AGO1: variants seen among roughly 807,000 people sequenced by gnomAD.
The protein encoded by AGO1 is protein argonaute-1.
A neutral mutation model predicts 109.2 loss-of-function variants in AGO1; 11 were observed. The ratio of observed to expected loss-of-function variants is 0.10; its 90% CI spans 0.06 to 0.17. AGO1 has a LOEUF of 0.17. AGO1 is among the 10% of genes least tolerant of loss of function. The pLI, the probability that AGO1 is intolerant of heterozygous loss-of-function variation, is 1.00. For missense variants in AGO1, 574 were observed against 1,140.3 expected (o/e 0.50, Z 7.15); for synonymous variants, 422 against 418.6 (o/e 1.01, Z -0.10).
intron 12 of AGO1, among the ~76,000 whole-genome samples, chr1:35,907,447 T>C (rs1645544265): frequency 6.6e-6 from 1 of 152,052 alleles, no homozygotes. Context: ...GAGTGCATTG[T>C]TTATCTGAAC....
At chr1:35,882,771 C>T (rs1017009859), upstream of AGO1, 13 of 981,120 alleles carry the variant, frequency 1.3e-5, no homozygotes, top group Middle Eastern at 5.2e-4. This position sits in a 1 kb window ranked among gnomAD's most constrained non-coding sequence, Gnocchi z 5.1. Context: ...AGAAAGACTT[C>T]GTGGAGGCAG....
intron 1 of AGO1, among the ~76,000 whole-genome samples, chr1:35,885,226 C>G (rs982932246): frequency 9.9e-5 from 15 of 152,148 alleles, no homozygotes; most frequent in African/African-American, 3.6e-4. Flanking sequence ...TTCCAACAAC[C>G]CATGAACTAG....
intron 1 of AGO1, among the ~76,000 whole-genome samples, chr1:35,870,651 A>G (rs930058640): frequency 2.9e-4 from 44 of 152,264 alleles, no homozygotes; most frequent in African/African-American, 1.0e-3. Flanking sequence ...TCTCCTCCCT[A>G]CTGAGAGAGA....
intron 6 of AGO1, 27 bp downstream of exon 6, chr1:35,894,198 A>G (rs766014532): frequency 1.9e-6 from 3 of 1,568,524 alleles, no homozygotes; most frequent in South Asian, 2.4e-5. Flanking sequence ...AGGGGAAGGG[A>G]AACAGCGCCA....
At chr1:35,899,620 A>G (rs1014399557) in intron 8 of AGO1, among the ~76,000 whole-genome samples, 4 of 152,210 alleles carry the variant, frequency 2.6e-5, no homozygotes, top group East Asian at 3.8e-4. Context: ...ACAAATTTCA[A>G]TAATTTTGGA....
chr1:35,919,475 C>T lies in AGO1; in HGVS notation c.2466-24C>T, dbSNP rs372256300. 3.1e-6 allele frequency: 5 copies of T among 1,598,130 alleles called. No homozygotes were observed. Among genetic ancestry groups the T allele is most frequent in the Non-Finnish European group, 4.3e-6 (5 of 1,169,850 alleles). Reference sequence around the variant, plus strand: ...GCAGCTCTCAGTTCACCAGGAAGGACTTCTTTCATTTTTTCCTTTTCAGTG... The same window carrying T: ...GCAGCTCTCAGTTCACCAGGAAGGATTTCTTTCATTTTTTCCTTTTCAGTG... On this transcript the variant is annotated intron_variant, in intron 18 of 18. Transcript: ENST00000373204. The surrounding 1 kb of genome is among the most constrained non-coding windows in gnomAD (Gnocchi z 6.6).
Position 35,893,413 on chromosome 1 carries a change from C to T in AGO1, c.512+135C>T, listed in dbSNP as rs558489336. ...ATTTGAAGCCCTACCACTTGCCAGG[C>T]AAATGTGTATTTATATTTAGATGGT... On this transcript the variant is annotated intron_variant, in intron 4 of 18. Coordinates refer to ENST00000373204, the MANE Select transcript of AGO1 (RefSeq NM_012199.5). This position sits in a 1 kb window ranked among gnomAD's most constrained non-coding sequence, Gnocchi z 5.6. 3 of 1,015,296 alleles carry T rather than the reference C, an allele frequency of 3.0e-6. No homozygotes were observed. In the African/African-American group the frequency reaches 4.8e-5, roughly 16 times the overall value. The allele number at this position is 1,015,296 out of a possible 1,614,324, so 62.9% of individuals were successfully genotyped here. A position where few individuals can be genotyped will look rare whatever the true frequency, so the allele number is the denominator to read the frequency against.
intron 2 of AGO1, 93 bp from the exon 3 acceptor site, chr1:35,892,464 A>G (rs1038706101): frequency 1.9e-6 from 3 of 1,546,544 alleles, no homozygotes; most frequent in Non-Finnish European, 1.8e-6. Flanking sequence ...AGTGAGTATA[A>G]TAGATGGGAC....
At position 35,893,065 on chromosome 1, in the gene AGO1, A is replaced by G. The variant is rs1411186424; in HGVS notation, c.331-32A>G. 1 of 1,601,918 alleles carries G rather than the reference A, an allele frequency of 6.2e-7. No individual in the cohort carries two copies. The highest frequency in any genetic ancestry group is 8.5e-7 in the Non-Finnish European group (1 of 1,171,348). ...GGGTCATTCTCGCAGAGCAATGGCAATCCTTCATCCCTTTCTTTCACCCTC... is the reference window on the plus strand; with the variant it reads ...GGGTCATTCTCGCAGAGCAATGGCAGTCCTTCATCCCTTTCTTTCACCCTC... On this transcript the variant is annotated intron_variant, in intron 3 of 18. Coordinates refer to ENST00000373204, the MANE Select transcript of AGO1 (RefSeq NM_012199.5). The surrounding 1 kb of genome is among the most constrained non-coding windows in gnomAD (Gnocchi z 5.6).
chr1:35,879,755 A>AAG (rs1645020982), upstream of AGO1, among the ~76,000 whole-genome samples: 1 of 148,240 alleles, frequency 6.7e-6, no homozygotes, highest in African/African-American at 2.5e-5. Flanking sequence ...AAAAAAAAAA[A>AAG]AAAAAAAGCA....
chr1:35,928,523 A>G lies in AGO1; in HGVS notation c.*8916A>G, dbSNP rs938344896. On this transcript the variant is annotated 3_prime_UTR_variant, in exon 19 of 19. Coordinates refer to ENST00000373204, the MANE Select transcript of AGO1 (RefSeq NM_012199.5). ...GGCTGGCCTCTCTTAGCTTCAAGCTATCCTCCCGCCTCGGCCTCCCAAAGT... is the reference window on the plus strand; with the variant it reads ...GGCTGGCCTCTCTTAGCTTCAAGCTGTCCTCCCGCCTCGGCCTCCCAAAGT... 4.6e-5 allele frequency: 7 copies of G among 152,226 alleles called. No individual in the cohort carries two copies. The highest frequency in any genetic ancestry group is 1.7e-4 in the African/African-American group (7 of 41,444). 9.4% of individuals were successfully genotyped at this position (152,226 alleles called of 1,614,324 possible). A position where few individuals can be genotyped will look rare whatever the true frequency, so the allele number is the denominator to read the frequency against.
At chr1:35,916,565 A>T (rs1645739550) in intron 15 of AGO1, among the ~76,000 whole-genome samples, 2 of 152,086 alleles carry the variant, frequency 1.3e-5, no homozygotes, top group Admixed American at 1.3e-4. Context: ...ATGGGGTTTC[A>T]CTATGTCGGC....
In AGO1 at chr1:35,929,301, G is replaced by A. The variant is rs1645991020; in HGVS notation, c.*9694G>A. On this transcript the variant is annotated 3_prime_UTR_variant, in exon 19 of 19. Transcript: ENST00000373204. ...TTGACTCTAAAGAGGTGGGTTCCTGGATAGCAGAAGTAGATAGGAAGGCAT... is the reference window on the plus strand; with the variant it reads ...TTGACTCTAAAGAGGTGGGTTCCTGAATAGCAGAAGTAGATAGGAAGGCAT... 6.6e-6 allele frequency: 1 copy of A among 152,368 alleles called. No homozygotes were observed. Among genetic ancestry groups the A allele is most frequent in the East Asian group, 1.9e-4 (1 of 5,192 alleles). 9.4% of individuals were successfully genotyped at this position (152,368 alleles called of 1,614,324 possible).
In AGO1 at chr1:35,902,045, C is replaced by T. The variant is rs544024909; in HGVS notation, c.1238C>T (p.Ala413Val). The part of the protein sequence containing the change: ...MTEVTGRVLP[A>V]PILQYGGRNR... Reference sequence around the variant, plus strand: ...GAGGTGACAGGGCGAGTGCTGCCGGCGCCCATCTTGCAGTACGGCGGCCGG... The same window carrying T: ...GAGGTGACAGGGCGAGTGCTGCCGGTGCCCATCTTGCAGTACGGCGGCCGG... Residue 413 changes from alanine to valine, a missense_variant, in exon 10 of 19, where the codon GCG becomes GTG. Physicochemically the swap from Ala to Val is moderately conservative, Grantham distance 64. Transcript: ENST00000373204. 21 of 1,608,742 alleles carry T rather than the reference C, an allele frequency of 1.3e-5. No homozygotes were observed. Among genetic ancestry groups the T allele is most frequent in the Admixed American group, 1.2e-4 (7 of 58,868 alleles).
At chr1:35,883,151 G>A (rs1645055436), upstream of AGO1, 1 of 1,127,718 alleles carries the variant, frequency 8.9e-7, no homozygotes, top group Non-Finnish European at 1.1e-6. This position sits in a 1 kb window ranked among gnomAD's most constrained non-coding sequence, Gnocchi z 5.4. Context: ...GTTGCCGTCG[G>A]AGCGCCCCGC....
In AGO1 at chr1:35,919,101, G is replaced by A. The variant is rs371456175; in HGVS notation, c.2312G>A (p.Arg771His). The change falls in exon 18 of 19, where the codon CGT (arginine) becomes CAT (histidine). Residue 771 changes from arginine to histidine, a missense_variant. Arg to His is a conservative substitution (Grantham distance 29). Transcript: ENST00000373204. The surrounding 1 kb of genome is among the most constrained non-coding windows in gnomAD (Gnocchi z 6.6). ...SHYYVLWDDN[R>H]FTADELQILT... The stretch of plus-strand genomic sequence containing the variant: ...TACTATGTTCTTTGGGATGACAACC[G>A]TTTCACAGCAGATGAGCTCCAGATC... 6.2e-6 allele frequency: 10 copies of A among 1,613,964 alleles called. No individual in the cohort carries two copies. The highest frequency in any genetic ancestry group is 5.0e-5 in the Admixed American group (3 of 59,976).
At chr1:35,891,053 TAGG>T (rs1290844893) in intron 2 of AGO1, among the ~76,000 whole-genome samples, 2 of 152,150 alleles carry the variant, frequency 1.3e-5, no homozygotes, top group African/African-American at 4.8e-5. Context: ...TGCTTCCTGG[TAGG>T]AGACAAGTAC....
Position 35,929,780 on chromosome 1 carries a change from A to C in AGO1, c.*10173A>C, listed in dbSNP as rs1195017326. On this transcript the variant is annotated 3_prime_UTR_variant, in exon 19 of 19. Transcript: ENST00000373204. ...ATATGGTAAGTACTTTAAAATGGTA[A>C]ATAGTAAATACTTGTGTTATTCACT... 1.3e-5 allele frequency: 2 copies of C among 152,156 alleles called. No homozygotes were observed. The highest frequency in any genetic ancestry group is 4.8e-5 in the African/African-American group (2 of 41,412). The allele number at this position is 152,156 out of a possible 1,614,324, so 9.4% of individuals were successfully genotyped here.
At chr1:35,871,591 C>T (rs1213458518) in intron 1 of AGO1, among the ~76,000 whole-genome samples, 2 of 119,872 alleles carry the variant, frequency 1.7e-5, no homozygotes, top group Non-Finnish European at 3.1e-5. Flanking sequence ...GATTTTTAGT[C>T]TGGGTGTGGG....
Sources: allele counts gnomAD v4.1 joint callset (sites outside exome capture counted in the v4.1 genomes callset), GRCh38; gene constraint gnomAD v4.1.1; non-coding constraint Gnocchi (gnomAD v3.1); transcripts MANE v1.5; gene names NCBI Gene and HGNC (gene_info 2026-07-23, HGNC 2026-07-21).